The following RUNX2 variants were observed in gnomAD, a reference collection of about 807,000 sequenced individuals.
The protein encoded by RUNX2 is RUNX family transcription factor 2, also known as runt-related transcription factor 2.
In RUNX2, 10 loss-of-function variants were observed where a neutral mutation model predicts 51.7. The observed-to-expected ratio is 0.19, with a 90% CI of 0.12 to 0.33. The LOEUF (loss-of-function observed/expected upper bound fraction) is 0.33. Among genes scored for constraint, RUNX2 ranks in the 10% least tolerant of loss-of-function variants. RUNX2 has a pLI of 1.00. For synonymous variants in RUNX2, 276 were observed against 273.6 expected (o/e 1.01, Z -0.09); for missense variants, 562 against 691.3 (o/e 0.81, Z 2.10).
At chr6:45,527,241 G>T (rs1257120858) in intron 7 of RUNX2, among the ~76,000 whole-genome samples, 1 of 152,046 alleles carries the variant, frequency 6.6e-6, no homozygotes, top group Non-Finnish European at 1.5e-5. Flanking sequence ...GAGATAGGCT[G>T]GGTCCAAGTT....
rs138145033 is a variant in RUNX2, at chr6:45,360,769, G to A, written c.58+31985G>A. On this transcript the variant is annotated intron_variant, in intron 2 of 8. Coordinates refer to ENST00000647337, the MANE Select transcript of RUNX2 (RefSeq NM_001024630.4). ...TGGACATTCTAAATTTGAGGTGCTC[G>A]CAGAACACTTAACAGACATTCCAGG... Among the ~76,000 whole-genome samples the A allele has an allele frequency of 2.6e-3, 394 of 152,204 alleles. 3 individuals carry two copies. The highest frequency in any genetic ancestry group is 8.5e-3 in the African/African-American group (355 of 41,526).
At chr6:45,371,830 C>T in intron 2 of RUNX2, 4 of 984,046 alleles carry the variant, frequency 4.1e-6, no homozygotes, top group Non-Finnish European at 4.8e-6. Flanking sequence ...GACATCTGAG[C>T]AGACTTCAGA....
In RUNX2 at chr6:45,547,419, C is replaced by T; in HGVS notation, c.*114C>T. The T allele has an allele frequency of 2.2e-6, 2 of 922,244 alleles. No individual in the cohort carries two copies. The highest frequency in any genetic ancestry group is 1.7e-6 in the Non-Finnish European group (1 of 574,262). The allele number at this position is 922,244 out of a possible 1,614,324, so 57.1% of individuals were successfully genotyped here. A position where few individuals can be genotyped will look rare whatever the true frequency, so the allele number is the denominator to read the frequency against. On this transcript the variant is annotated 3_prime_UTR_variant, in exon 9 of 9. Transcript: ENST00000647337. Reference sequence around the variant, plus strand: ...ATATCGATTAGCTATCTACAAAGTGCCTATTTTTTAGAAGATTTTTCATTC... The same window carrying T: ...ATATCGATTAGCTATCTACAAAGTGTCTATTTTTTAGAAGATTTTTCATTC...
intron 5 of RUNX2, among the ~76,000 whole-genome samples, chr6:45,464,060 G>A (rs1056081288): frequency 1.3e-5 from 2 of 152,158 alleles, no homozygotes; most frequent in Non-Finnish European, 2.9e-5. Context: ...AGGCGTGGTG[G>A]CAGGTGCCTG....
At chr6:45,346,658 C>G (rs1404395378) in intron 2 of RUNX2, among the ~76,000 whole-genome samples, 1 of 151,314 alleles carries the variant, frequency 6.6e-6, no homozygotes, top group Admixed American at 6.6e-5. Flanking sequence ...ACCTCCACCT[C>G]CTGGGTTCAA....
At chr6:45,539,221 C>T (rs72864648) in intron 7 of RUNX2, among the ~76,000 whole-genome samples, 13,845 of 106,130 alleles carry the variant, frequency 0.13, 826 homozygotes, top group East Asian at 0.23. Flanking sequence ...GTTTTTTTTT[C>T]TCTCTCTCTC....
At chr6:45,504,810 T>C (rs1800910437) in intron 6 of RUNX2, among the ~76,000 whole-genome samples, 1 of 152,224 alleles carries the variant, frequency 6.6e-6, no homozygotes, top group Non-Finnish European at 1.5e-5. Flanking sequence ...GCCAGTAGAC[T>C]CTGTATATCA....
chr6:45,535,375 C>T (rs1018594185), intron 7 of RUNX2, among the ~76,000 whole-genome samples: 22 of 152,074 alleles, frequency 1.4e-4, no homozygotes, highest in Admixed American at 1.2e-3. Flanking sequence ...GAGGCCGAGG[C>T]GGGCAGATCA....
intron 2 of RUNX2, among the ~76,000 whole-genome samples, chr6:45,347,239 GTAAATTAAAC>G (rs1266320941): frequency 6.6e-6 from 1 of 152,104 alleles, no homozygotes; most frequent in East Asian, 1.9e-4. Flanking sequence ...AAGAGATATA[GTAAATTAAAC>G]TACAGTGAAT....
chr6:45,400,046 GA>G (rs1417199224), intron 2 of RUNX2, among the ~76,000 whole-genome samples: 5 of 114,526 alleles, frequency 4.4e-5, no homozygotes, highest in South Asian at 4.0e-4. Context: ...AGGAAAGAAG[GA>G]AAGGAGGGAG....
chr6:45,443,700 A>G (rs1046340979), intron 5 of RUNX2, among the ~76,000 whole-genome samples: 13 of 152,228 alleles, frequency 8.5e-5, no homozygotes, highest in Non-Finnish European at 1.9e-4. Context: ...TATCAGATGA[A>G]TTAGTGGTGG....
intron 4 of RUNX2, among the ~76,000 whole-genome samples, chr6:45,434,519 A>G (rs541720628): frequency 6.6e-6 from 1 of 152,316 alleles, no homozygotes; most frequent in African/African-American, 2.4e-5. Context: ...TAAAGGAGTC[A>G]TGTCACTACT....
chr6:45,348,337 C>T (rs1791306959), intron 2 of RUNX2, among the ~76,000 whole-genome samples: 1 of 151,684 alleles, frequency 6.6e-6, no homozygotes, highest in African/African-American at 2.4e-5. Flanking sequence ...AAATTCTCTA[C>T]CATTAGTTTT....
In RUNX2 at chr6:45,451,015, G is replaced by T. The variant is rs140701658; in HGVS notation, c.685+12964G>T. Among the ~76,000 whole-genome samples the T allele has an allele frequency of 8.7e-3, 1,319 of 152,282 alleles. 10 individuals are homozygous for T. Among genetic ancestry groups the T allele is most frequent in the Non-Finnish European group, 0.013 (899 of 68,018 alleles). ...GCCTGAGATTCTTCTTCGAGTTAAG[G>T]CTTCGAGGACAGGATGTTCATAGAT... On this transcript the variant is annotated intron_variant, in intron 5 of 8. Coordinates refer to ENST00000647337, the MANE Select transcript of RUNX2 (RefSeq NM_001024630.4).
chr6:45,446,096 T>C (rs1236248000), intron 5 of RUNX2, among the ~76,000 whole-genome samples: 3 of 152,184 alleles, frequency 2.0e-5, no homozygotes, highest in African/African-American at 4.8e-5. Context: ...CAGCAGCACA[T>C]GGCATGCTGC....
intron 2 of RUNX2, among the ~76,000 whole-genome samples, chr6:45,349,287 T>A (rs1308750002): frequency 6.6e-6 from 1 of 152,206 alleles, no homozygotes; most frequent in East Asian, 1.9e-4. Context: ...ATGAGTCCAC[T>A]AAAATAAGGA....
In RUNX2 at chr6:45,431,986, A is replaced by G; in HGVS notation, c.547A>G (p.Asn183Asp). The G allele has an allele frequency of 6.2e-7, 1 of 1,614,138 alleles. No individual in the cohort carries two copies. The highest frequency in any genetic ancestry group is 1.3e-5 in the African/African-American group (1 of 75,044). ...AVMKNQVARF[N>D]DLRFVGRSGR... ...TATGAAAAACCAAGTAGCAAGGTTC[A>G]ACGATCTGAGATTTGTGGGCCGGAG... The change falls in exon 4 of 9, where the codon AAC (asparagine) becomes GAC (aspartate). Residue 183 changes from asparagine to aspartate, a missense_variant. Coordinates refer to ENST00000647337, the MANE Select transcript of RUNX2 (RefSeq NM_001024630.4).
intron 2 of RUNX2, among the ~76,000 whole-genome samples, chr6:45,347,303 A>G (rs1044143635): frequency 2.0e-5 from 3 of 152,188 alleles, no homozygotes; most frequent in Non-Finnish European, 4.4e-5. Context: ...TGATATATAT[A>G]TGACTGTTAG....
chr6:45,501,809 A>C (rs1800807481), intron 6 of RUNX2, among the ~76,000 whole-genome samples: 1 of 152,180 alleles, frequency 6.6e-6, no homozygotes, highest in African/African-American at 2.4e-5. Flanking sequence ...TTCTTTGCAC[A>C]CTGGCTATTG....
Sources: allele counts gnomAD v4.1 joint callset (sites outside exome capture counted in the v4.1 genomes callset), GRCh38; gene constraint gnomAD v4.1.1; transcripts MANE v1.5; gene names NCBI Gene and HGNC (gene_info 2026-07-23, HGNC 2026-07-21).